Variants in FBXL7 observed in about 807,000 individuals in gnomAD.
FBXL7 encodes F-box and leucine rich repeat protein 7.
FBXL7 carries 12 observed loss-of-function variants against 38.3 expected under a neutral mutation model. That is an observed-to-expected ratio of 0.31 (90% CI 0.20 to 0.51). The LOEUF is 0.51. FBXL7 is among the 20% of genes least tolerant of loss of function. The pLI, the probability that FBXL7 is intolerant of heterozygous loss-of-function variation, is 0.98. For synonymous variants in FBXL7, 297 were observed against 300.9 expected (o/e 0.99, Z 0.13); for missense variants, 567 against 676.4 (o/e 0.84, Z 1.79).
chr5:15,844,135 A>G (rs1310296913), intron 2 of FBXL7, among the ~76,000 whole-genome samples: 7 of 152,270 alleles, frequency 4.6e-5, no homozygotes, highest in Admixed American at 1.3e-4. Flanking sequence ...GAAGGTGGGA[A>G]ATTTGGATGT....
chr5:15,905,555 G>C (rs1429950613), intron 2 of FBXL7, among the ~76,000 whole-genome samples: 2 of 150,752 alleles, frequency 1.3e-5, no homozygotes, highest in African/African-American at 4.9e-5. Context: ...AGTCCTCTTT[G>C]CTTTTACTAA....
At chr5:15,594,350 A>G (rs1228861358) in intron 1 of FBXL7, among the ~76,000 whole-genome samples, 1 of 152,252 alleles carries the variant, frequency 6.6e-6, no homozygotes, top group African/African-American at 2.4e-5. Context: ...GAAAAGGTTA[A>G]AAGTGTATCT....
rs367768267 is a variant in FBXL7, at chr5:15,931,749, C to T, written c.739+3248C>T. 9.7e-4 allele frequency among the ~76,000 whole-genome samples: 147 copies of T among 152,304 alleles called. 1 individual carries two copies. The South Asian group carries it at 0.015, about 15-fold the overall frequency. ...CATCTTATCTGCATGTCCCAAAACACATCCTATCTGTGCATACGATGATGT... is the reference window on the plus strand; with the variant it reads ...CATCTTATCTGCATGTCCCAAAACATATCCTATCTGTGCATACGATGATGT... On this transcript the variant is annotated intron_variant, in intron 3 of 3. Transcript: ENST00000504595.
rs79427553 is a variant in FBXL7 at position 15,512,453 on chromosome 5, A to G, written c.37+11740A>G. On this transcript the variant is annotated intron_variant, in intron 1 of 3. Coordinates refer to ENST00000504595, the MANE Select transcript of FBXL7 (RefSeq NM_012304.5). ...AGTTTTGTTAAATGAATAAATAAGG[A>G]TGGATCTATAGCCATGATCTTTATT... 7.4e-3 allele frequency among the ~76,000 whole-genome samples: 1,126 copies of G among 152,324 alleles called. 21 individuals carry two copies. Among genetic ancestry groups the G allele is most frequent in the African/African-American group, 0.026 (1,070 of 41,576 alleles).
At chr5:15,796,510 A>G (rs890222220) in intron 2 of FBXL7, among the ~76,000 whole-genome samples, 8 of 152,142 alleles carry the variant, frequency 5.3e-5, no homozygotes, top group African/African-American at 1.9e-4. Context: ...CTTGTTCAAC[A>G]ATTTTATCTC....
At chr5:15,716,859 CATT>C (rs1439234645) in intron 2 of FBXL7, among the ~76,000 whole-genome samples, 1 of 152,082 alleles carries the variant, frequency 6.6e-6, no homozygotes, top group Non-Finnish European at 1.5e-5. Flanking sequence ...AGAATGGAAT[CATT>C]ATTTTTATTT....
chr5:15,800,964 G>A (rs1737548763), intron 2 of FBXL7, among the ~76,000 whole-genome samples: 1 of 152,142 alleles, frequency 6.6e-6, no homozygotes, highest in Non-Finnish European at 1.5e-5. Context: ...GGGTTCATGT[G>A]GAAGTTGTCA....
At chr5:15,626,971 T>A (rs781017141) in intron 2 of FBXL7, among the ~76,000 whole-genome samples, 1 of 152,212 alleles carries the variant, frequency 6.6e-6, no homozygotes, top group East Asian at 1.9e-4. Flanking sequence ...GGTCACCAAC[T>A]GGTAGCACAG....
chr5:15,895,745 G>A lies in FBXL7; in HGVS notation c.128-32145G>A, dbSNP rs370548967. Among the ~76,000 whole-genome samples the A allele has an allele frequency of 6.3e-5, 9 of 143,930 alleles. No individual in the cohort carries two copies. The East Asian group carries it at 6.7e-4, about 11-fold the overall frequency. The allele number at this position is 143,930 out of a possible 152,430, so 94.4% of individuals were successfully genotyped here. A position where few individuals can be genotyped will look rare whatever the true frequency, so the allele number is the denominator to read the frequency against. On this transcript the variant is annotated intron_variant, in intron 2 of 3. Transcript: ENST00000504595. Reference sequence around the variant, plus strand: ...TGCAAACTCTGCCTCCTGGGTTCACGCCATTCTCCTGCCTCAGCCTCCCTA... The same window carrying A: ...TGCAAACTCTGCCTCCTGGGTTCACACCATTCTCCTGCCTCAGCCTCCCTA...
intron 1 of FBXL7, among the ~76,000 whole-genome samples, chr5:15,522,408 G>T (rs748785722): frequency 6.6e-6 from 1 of 152,150 alleles, no homozygotes; most frequent in Non-Finnish European, 1.5e-5. Context: ...ACATGTTTCA[G>T]ATCGATGCTC....
intron 1 of FBXL7, among the ~76,000 whole-genome samples, chr5:15,574,857 A>G (rs1199774136): frequency 1.3e-5 from 2 of 152,182 alleles, no homozygotes; most frequent in Non-Finnish European, 2.9e-5. Context: ...TAAAAATGAA[A>G]TTGATCTATT....
At chr5:15,647,005 T>C (rs1741551828) in intron 2 of FBXL7, among the ~76,000 whole-genome samples, 1 of 152,226 alleles carries the variant, frequency 6.6e-6, no homozygotes, top group Non-Finnish European at 1.5e-5. Context: ...AAGTATTAAA[T>C]GGCATCAGCT....
intron 1 of FBXL7, among the ~76,000 whole-genome samples, chr5:15,572,387 TAAAA>T (rs61523559): frequency 5.4e-5 from 6 of 110,540 alleles, no homozygotes; most frequent in African/African-American, 6.6e-5. Context: ...TGGTTTCTGC[TAAAA>T]AAAAAAAAAA....
At chr5:15,711,392 T>C (rs76816778) in intron 2 of FBXL7, among the ~76,000 whole-genome samples, 3,957 of 152,302 alleles carry the variant, frequency 0.026, 104 homozygotes, top group East Asian at 0.065. Context: ...GTCCATGTCT[T>C]GTTATATGGA....
At chr5:15,559,722 G>A (rs1290610012) in intron 1 of FBXL7, among the ~76,000 whole-genome samples, 1 of 152,236 alleles carries the variant, frequency 6.6e-6, no homozygotes, top group Non-Finnish European at 1.5e-5. Context: ...GATTAGTGGA[G>A]TTAGGGCAAA....
chr5:15,531,784 T>C (rs1253527696), intron 1 of FBXL7, among the ~76,000 whole-genome samples: 3 of 152,234 alleles, frequency 2.0e-5, no homozygotes, highest in Non-Finnish European at 1.5e-5. Flanking sequence ...ACTAAATCCA[T>C]CCTTGTACAC....
At chr5:15,819,872 G>A in intron 2 of FBXL7, among the ~76,000 whole-genome samples, 1 of 152,188 alleles carries the variant, frequency 6.6e-6, no homozygotes, top group East Asian at 1.9e-4. Flanking sequence ...CTGAGTCGTG[G>A]TATCCCAGCT....
intron 1 of FBXL7, among the ~76,000 whole-genome samples, chr5:15,514,110 A>G (rs927834987): frequency 2.6e-5 from 4 of 152,228 alleles, no homozygotes; most frequent in Non-Finnish European, 5.9e-5. Flanking sequence ...AAAACAGGAA[A>G]AGGATCATTT....
At chr5:15,775,011 TG>T (rs1177858745) in intron 2 of FBXL7, among the ~76,000 whole-genome samples, 1 of 152,214 alleles carries the variant, frequency 6.6e-6, no homozygotes, top group Non-Finnish European at 1.5e-5. Context: ...GCATAGCCCT[TG>T]ACAGATCACC....
Sources: allele counts gnomAD v4.1 joint callset (sites outside exome capture counted in the v4.1 genomes callset), GRCh38; gene constraint gnomAD v4.1.1; transcripts MANE v1.5; gene names NCBI Gene and HGNC (gene_info 2026-07-23, HGNC 2026-07-21).